TRAPPC8: variants seen among roughly 807,000 people sequenced by gnomAD.
The protein encoded by TRAPPC8 is general sporulation gene 1 homolog.
A neutral mutation model predicts 174.3 loss-of-function variants in TRAPPC8; 54 were observed. The ratio of observed to expected loss-of-function variants is 0.31; its 90% CI spans 0.25 to 0.39. The LOEUF (loss-of-function observed/expected upper bound fraction) is 0.39, where lower values mean the gene tolerates loss of function less well. TRAPPC8 is among the 10% of genes least tolerant of loss of function. The pLI is 1.00. For missense variants in TRAPPC8, 1,531 were observed against 1,699.1 expected, an observed-to-expected ratio of 0.90 and a Z score of 1.74; for synonymous variants, 630 against 579.9, an observed-to-expected ratio of 1.09 and a Z score of -1.24.
At chr18:31,858,421 T>TAAAACCCATAG (rs2034149071) in intron 19 of TRAPPC8, among the ~76,000 whole-genome samples, 1 of 152,234 alleles carries the variant, frequency 6.6e-6, no homozygotes, top group South Asian at 2.1e-4. Context: ...ACTATGGGTT[T>TAAAACCCATAG]TAAAGTGAAA....
chr18:31,919,239 T>C (rs1021783494), intron 2 of TRAPPC8, among the ~76,000 whole-genome samples: 1 of 152,024 alleles, frequency 6.6e-6, no homozygotes, highest in African/African-American at 2.4e-5. Context: ...CCTATAATCC[T>C]AACACTTTGG....
intron 12 of TRAPPC8, among the ~76,000 whole-genome samples, chr18:31,877,186 T>G (rs1474531667): frequency 6.6e-6 from 1 of 152,014 alleles, no homozygotes; most frequent in Non-Finnish European, 1.5e-5. Flanking sequence ...GAAATGAACA[T>G]GAAGAGGGGA....
At chr18:31,869,845 TCGGGAGGCTGAGG>T (rs1325758681) in intron 16 of TRAPPC8, among the ~76,000 whole-genome samples, 1 of 152,060 alleles carries the variant, frequency 6.6e-6, no homozygotes, top group Non-Finnish European at 1.5e-5. Flanking sequence ...TCCCAGCACT[TCGGGAGGCTGAGG>T]CGGGAGGATC....
intron 27 of TRAPPC8, 35 bp from the exon 28 acceptor site, chr18:31,832,208 T>C: frequency 7.4e-7 from 1 of 1,356,928 alleles, no homozygotes. Context: ...AGTTATATAT[T>C]TTTTTCTTCT....
chr18:31,839,498 A>C, intron 26 of TRAPPC8, 41 bp from the exon 27 acceptor site: 2 of 1,517,814 alleles, frequency 1.3e-6, no homozygotes. Flanking sequence ...TAAAAACACT[A>C]CCTTGTTTAA....
rs115572029 is a variant in TRAPPC8, at chr18:31,831,167, C to T, written c.4074-178G>A. Among the ~76,000 whole-genome samples the T allele has an allele frequency of 1.3e-3, 193 of 152,210 alleles. 1 individual carries two copies. Among genetic ancestry groups the T allele is most frequent in the African/African-American group, 4.4e-3 (182 of 41,520 alleles). The stretch of plus-strand genomic sequence containing the variant: ...CAGGAGTTCAAGACCAGCCTACCAA[C>T]ATAATGAAGCCCCGTCTCTACTAAA... On this transcript the variant is annotated intron_variant, in intron 28 of 28. Coordinates refer to ENST00000283351, the MANE Select transcript of TRAPPC8 (RefSeq NM_014939.5).
At chr18:31,853,528 A>G (rs1046380755) in intron 22 of TRAPPC8, among the ~76,000 whole-genome samples, 6 of 152,068 alleles carry the variant, frequency 3.9e-5, no homozygotes, top group African/African-American at 1.4e-4. Flanking sequence ...TCAGCCTCCC[A>G]AAGTGCAGGA....
chr18:31,841,603 A>G (rs2033104493), intron 26 of TRAPPC8, among the ~76,000 whole-genome samples: 1 of 152,214 alleles, frequency 6.6e-6, no homozygotes, highest in Non-Finnish European at 1.5e-5. Flanking sequence ...ATTTTGAACT[A>G]CTGTGCTATA....
Position 31,931,535 on chromosome 18 carries a change from AAAAG to A in TRAPPC8, c.158-16_158-13del. 6.5e-7 allele frequency: 1 copy of A among 1,530,402 alleles called. No individual in the cohort carries two copies. The highest frequency in any genetic ancestry group is 1.3e-5 in the South Asian group (1 of 76,440). The allele number at this position is 1,530,402 out of a possible 1,614,324, so 94.8% of individuals were successfully genotyped here. A position where few individuals can be genotyped will look rare whatever the true frequency, so the allele number is the denominator to read the frequency against. On this transcript the variant is annotated splice_polypyrimidine_tract_variant and intron_variant, in intron 1 of 28. Coordinates refer to ENST00000283351, the MANE Select transcript of TRAPPC8 (RefSeq NM_014939.5). ...ATCTCTCATGTGAACTTTAAAGAAA[AAAAG>A]AAAAAAACTTGAAATTAATTCTATA...
chr18:31,856,807 C>CTTTTT (rs79712667), intron 20 of TRAPPC8, among the ~76,000 whole-genome samples: 26 of 109,934 alleles, frequency 2.4e-4, no homozygotes, highest in African/African-American at 5.6e-4. Context: ...ATGCTAAAAT[C>CTTTTT]TTTTTTTTTT....
intron 24 of TRAPPC8, among the ~76,000 whole-genome samples, chr18:31,851,178 G>T (rs1240280043): frequency 2.6e-5 from 4 of 152,144 alleles, no homozygotes. Context: ...ACAATTATAT[G>T]AACTTTTACA....
intron 2 of TRAPPC8, among the ~76,000 whole-genome samples, chr18:31,928,164 A>T (rs1452303526): frequency 3.6e-5 from 5 of 139,738 alleles, no homozygotes; most frequent in African/African-American, 1.6e-4. Flanking sequence ...TAAAAAAAAT[A>T]AAATAAAATA....
intron 1 of TRAPPC8, among the ~76,000 whole-genome samples, chr18:31,933,302 A>G (rs1373285816): frequency 1.5e-5 from 1 of 65,874 alleles, no homozygotes. Flanking sequence ...CTCCGTCTCA[A>G]AAAAAAAAAA....
Position 31,897,828 on chromosome 18 carries a change from T to C in TRAPPC8, c.1554A>G (p.Lys518=), listed in dbSNP as rs758672087. The C allele has an allele frequency of 3.6e-5, 58 of 1,611,558 alleles. No individual in the cohort carries two copies. Among genetic ancestry groups the C allele is most frequent in the Admixed American group, 5.0e-5 (3 of 59,816 alleles). Residue 518 remains lysine, a synonymous_variant, in exon 11 of 29, where the codon AAA becomes AAG. Transcript: ENST00000283351. ...LSAELLKSQS[K]YSEAAALLIR... The stretch of plus-strand genomic sequence containing the variant: ...TTAGGAGAGCTGCAGCCTCTGAATA[T>C]TTGCTTTGGCTTTTTAAAAGTTCAG...
chr18:31,916,247 A>T, intron 4 of TRAPPC8, 25 bp downstream of exon 4: 1 of 1,443,302 alleles, frequency 6.9e-7, no homozygotes, highest in Non-Finnish European at 9.1e-7. Flanking sequence ...ACTGGAAAAA[A>T]TTTAAAACTA....
intron 1 of TRAPPC8, among the ~76,000 whole-genome samples, chr18:31,941,208 C>A (rs1179011290): frequency 1.3e-5 from 2 of 152,148 alleles, no homozygotes; most frequent in East Asian, 3.9e-4. Flanking sequence ...TTTGCGAGGC[C>A]GAGGCGGGCA....
chr18:31,841,639 C>T (rs2033106329), intron 26 of TRAPPC8, among the ~76,000 whole-genome samples: 1 of 152,132 alleles, frequency 6.6e-6, no homozygotes. Flanking sequence ...AATTTTCCTT[C>T]TGCTAATCAT....
intron 2 of TRAPPC8, among the ~76,000 whole-genome samples, chr18:31,924,964 C>T (rs1163863598): frequency 6.6e-6 from 1 of 151,692 alleles, no homozygotes; most frequent in Admixed American, 6.6e-5. Flanking sequence ...AAAAAAAGGC[C>T]CAGGACACAG....
In TRAPPC8 at chr18:31,867,466, T is replaced by G. The variant is rs150501679; in HGVS notation, c.2399A>C (p.Glu800Ala). 27 of 1,604,574 alleles carry G rather than the reference T, an allele frequency of 1.7e-5. No individual in the cohort carries two copies. In the African/African-American group the frequency reaches 3.1e-4, roughly 18 times the overall value. ...AACTTCAGCTCCAATCATTTCAGGTTCACTTGTAACCTAAAAAATAAATTT... is the reference window on the plus strand; with the variant it reads ...AACTTCAGCTCCAATCATTTCAGGTGCACTTGTAACCTAAAAAATAAATTT... ...NEEVKQLVTS[E>A]PEMIGAEVIS... is the part of the protein sequence containing the mutation. The change falls in exon 17 of 29, where the codon GAA (glutamate) becomes GCA (alanine). Residue 800 changes from glutamate to alanine, a missense_variant. Transcript: ENST00000283351.
Sources: gnomAD v4.1 joint callset for allele counts (sites outside exome capture counted in the v4.1 genomes callset) on GRCh38, gnomAD v4.1.1 for gene constraint, MANE v1.5 for transcripts, NCBI Gene and HGNC (gene_info 2026-07-23, HGNC 2026-07-21) for gene names.